The following PTPRN2 variants were observed in gnomAD, a reference collection of about 807,000 sequenced individuals.
The protein encoded by PTPRN2 is protein tyrosine phosphatase receptor type N2, also known as receptor-type tyrosine-protein phosphatase N2.
A neutral mutation model predicts 118.8 loss-of-function variants in PTPRN2; 74 were observed. The observed-to-expected ratio is 0.62, with a 90% CI of 0.52 to 0.76. The LOEUF (loss-of-function observed/expected upper bound fraction) is 0.76. Ranked by LOEUF, PTPRN2 falls within the 30% of genes least tolerant of loss-of-function variation. The pLI is 0.00. For synonymous variants in PTPRN2, 641 were observed against 608.0 expected (o/e 1.05, Z -0.80); for missense variants, 1,481 against 1,394.4 (o/e 1.06, Z -0.99).
At chr7:158,336,031 G>C (rs1288004367) in intron 2 of PTPRN2, among the ~76,000 whole-genome samples, 1 of 7,914 alleles carries the variant, frequency 1.3e-4, no homozygotes, top group Non-Finnish European at 2.7e-4. Context: ...ACCATAAGAA[G>C]TGACACCTGC....
chr7:158,280,400 C>G (rs35662214), intron 3 of PTPRN2, among the ~76,000 whole-genome samples: 1 of 152,198 alleles, frequency 6.6e-6, no homozygotes, highest in Non-Finnish European at 1.5e-5. Context: ...CAGGGAGGGA[C>G]AGCGACGAGG....
At chr7:158,354,383 CA>C (rs951642339) in intron 2 of PTPRN2, among the ~76,000 whole-genome samples, 15 of 152,108 alleles carry the variant, frequency 9.9e-5, no homozygotes, top group Admixed American at 6.5e-4. Flanking sequence ...GTGACTGGCC[CA>C]ACAAAGTGGC....
At chr7:157,544,709 C>G (rs1798191543) in intron 22 of PTPRN2, among the ~76,000 whole-genome samples, 1 of 152,128 alleles carries the variant, frequency 6.6e-6, no homozygotes, top group Admixed American at 6.5e-5. Flanking sequence ...ACTCTTGAGA[C>G]GTGTGGAGGG....
chr7:157,718,848 G>A (rs1271024659), intron 12 of PTPRN2, among the ~76,000 whole-genome samples: 2 of 152,100 alleles, frequency 1.3e-5, no homozygotes, highest in Non-Finnish European at 2.9e-5. Context: ...TCCAGTGTCC[G>A]ACCTCTGGGG....
intron 12 of PTPRN2, among the ~76,000 whole-genome samples, chr7:157,761,124 C>G (rs1181550987): frequency 1.3e-5 from 2 of 151,294 alleles, no homozygotes; most frequent in African/African-American, 4.9e-5. Context: ...GAAGAACATT[C>G]CATGCTCATG....
intron 2 of PTPRN2, among the ~76,000 whole-genome samples, chr7:158,385,085 G>A (rs1441199210): frequency 2.0e-5 from 3 of 152,060 alleles, no homozygotes; most frequent in South Asian, 2.1e-4. Context: ...TAAATTTTCC[G>A]TTCCACACTC....
intron 3 of PTPRN2, among the ~76,000 whole-genome samples, chr7:158,295,099 A>G (rs12690720): frequency 0.94 from 130,876 of 138,548 alleles, 61,776 homozygotes; most frequent in Middle Eastern, 0.97. Context: ...GCACCACATC[A>G]TGGTTCACCC....
At chr7:158,447,901 C>T (rs989600381) in intron 2 of PTPRN2, among the ~76,000 whole-genome samples, 5 of 152,232 alleles carry the variant, frequency 3.3e-5, no homozygotes, top group African/African-American at 1.2e-4. Flanking sequence ...TGCCCCACCC[C>T]GGCTCCTGGC....
intron 3 of PTPRN2, among the ~76,000 whole-genome samples, chr7:158,277,947 G>A (rs866340164): frequency 3.3e-5 from 5 of 152,178 alleles, no homozygotes; most frequent in African/African-American, 1.2e-4. Flanking sequence ...CACAAGGGGG[G>A]GATGGGAGTT....
chr7:158,430,602 G>T (rs1171443270), intron 2 of PTPRN2, among the ~76,000 whole-genome samples: 1 of 152,208 alleles, frequency 6.6e-6, no homozygotes, highest in Non-Finnish European at 1.5e-5. Flanking sequence ...GGGAACATTT[G>T]GTGGTGTCTC....
chr7:157,967,787 G>A (rs1224980023), intron 11 of PTPRN2, among the ~76,000 whole-genome samples: 1 of 152,206 alleles, frequency 6.6e-6, no homozygotes, highest in African/African-American at 2.4e-5. Context: ...GAGTGAAGAT[G>A]TATTTACCTT....
intron 6 of PTPRN2, among the ~76,000 whole-genome samples, chr7:158,149,521 C>T (rs924848009): frequency 1.1e-4 from 17 of 151,904 alleles, no homozygotes; most frequent in Non-Finnish European, 1.6e-4. Flanking sequence ...AAGATAAGCC[C>T]GGCTGGGCGC....
At chr7:157,984,863 C>T (rs61575695) in intron 11 of PTPRN2, among the ~76,000 whole-genome samples, 1 of 152,248 alleles carries the variant, frequency 6.6e-6, no homozygotes, top group African/African-American at 2.4e-5. Flanking sequence ...TAGGCCCTGC[C>T]TCAGCCACTG....
rs78907234 is a variant in PTPRN2, at chr7:157,564,844, C to T, written c.2902+4058G>A. ...ACATATCCAGGGATGTGGGTGGACACCCTCACATCCACATTCACAGCAGGA... is the reference window on the plus strand; with the variant it reads ...ACATATCCAGGGATGTGGGTGGACATCCTCACATCCACATTCACAGCAGGA... On this transcript the variant is annotated intron_variant, in intron 21 of 22. Transcript: ENST00000389418. Among the ~76,000 whole-genome samples the T allele has an allele frequency of 9.2e-3, 1,401 of 152,348 alleles. 29 individuals are homozygous for T. Among genetic ancestry groups the T allele is most frequent in the African/African-American group, 0.031 (1,269 of 41,576 alleles).
chr7:157,848,652 G>A (rs1351357291), intron 12 of PTPRN2, among the ~76,000 whole-genome samples: 1 of 152,242 alleles, frequency 6.6e-6, no homozygotes. Context: ...GAGTGAATGG[G>A]GCCCCACCTG....
At chr7:158,513,032 C>T (rs1163025034) in intron 1 of PTPRN2, among the ~76,000 whole-genome samples, 1 of 152,212 alleles carries the variant, frequency 6.6e-6, no homozygotes, top group Admixed American at 6.5e-5. Flanking sequence ...TGACGCGTCA[C>T]TCACGAGTGT....
intron 12 of PTPRN2, among the ~76,000 whole-genome samples, chr7:157,826,986 C>T (rs576813785): frequency 6.6e-6 from 1 of 152,284 alleles, no homozygotes; most frequent in South Asian, 2.1e-4. Flanking sequence ...TCAAGTTGTC[C>T]TGCATCTCCG....
chr7:157,706,907 C>T (rs1410033592), intron 12 of PTPRN2, among the ~76,000 whole-genome samples: 1 of 150,994 alleles, frequency 6.6e-6, no homozygotes, highest in East Asian at 2.0e-4. Flanking sequence ...CACATCCCTC[C>T]AGAATGCCGG....
chr7:158,139,787 T>C (rs1819200535), intron 6 of PTPRN2, among the ~76,000 whole-genome samples: 1 of 152,198 alleles, frequency 6.6e-6, no homozygotes, highest in Admixed American at 6.5e-5. Flanking sequence ...ACAACGTATT[T>C]CATACAATGT....
Sources: gnomAD v4.1 joint callset for allele counts (sites outside exome capture counted in the v4.1 genomes callset) on GRCh38, gnomAD v4.1.1 for gene constraint, MANE v1.5 for transcripts, NCBI Gene and HGNC (gene_info 2026-07-23, HGNC 2026-07-21) for gene names.